The following BATF variants were observed in gnomAD, a reference collection of about 807,000 sequenced individuals.
BATF encodes the protein basic leucine zipper ATF-like transcription factor.
A neutral mutation model predicts 13.7 loss-of-function variants in BATF; 5 were observed. That is an observed-to-expected ratio of 0.36 (90% CI 0.19 to 0.77). BATF has a LOEUF of 0.77. Among genes scored for constraint, BATF ranks in the 30% least tolerant of loss-of-function variants. The pLI, the probability that BATF is intolerant of heterozygous loss-of-function variation, is 0.51. For missense variants in BATF, 124 were observed against 163.0 expected (o/e 0.76, Z 1.30); for synonymous variants, 72 against 67.5 (o/e 1.07, Z -0.33).
At chr14:75,541,595 G>A (rs1377749632) in intron 2 of BATF, among the ~76,000 whole-genome samples, 1 of 152,160 alleles carries the variant, frequency 6.6e-6, no homozygotes, top group Non-Finnish European at 1.5e-5. Context: ...TTGTGTGTGG[G>A]TCACCAAAAC....
At chr14:75,523,642 C>T (rs1286887475) in intron 1 of BATF, among the ~76,000 whole-genome samples, 1 of 152,240 alleles carries the variant, frequency 6.6e-6, no homozygotes, top group Non-Finnish European at 1.5e-5. Flanking sequence ...TCCTCTTTCT[C>T]ATCCGACATG....
In BATF at chr14:75,539,292, G is replaced by C. The variant is rs1004446994; in HGVS notation, c.169-7170G>C. 2.6e-5 allele frequency among the ~76,000 whole-genome samples: 4 copies of C among 152,280 alleles called. No individual in the cohort carries two copies. The East Asian group carries it at 5.8e-4, about 22-fold the overall frequency. On this transcript the variant is annotated intron_variant, in intron 2 of 2. Coordinates refer to ENST00000286639, the MANE Select transcript of BATF (RefSeq NM_006399.5). ...AGGAAGCCTTTGTCCTTATGAGCAG[G>C]CTGTGCCTTTTTGGTAGGAAGGGAA...
intron 2 of BATF, among the ~76,000 whole-genome samples, 186 bp downstream of exon 2, chr14:75,525,374 C>G (rs1371451666): frequency 6.6e-6 from 1 of 151,778 alleles, no homozygotes; most frequent in Non-Finnish European, 1.5e-5. Context: ...TTTAAGAAGG[C>G]TCTGTAGTCC....
At position 75,546,519 on chromosome 14, in the gene BATF, A is replaced by G. The variant is rs1011970393; in HGVS notation, c.226A>G (p.Thr76Ala). 9 of 1,614,204 alleles carry G rather than the reference A, an allele frequency of 5.6e-6. No individual in the cohort carries two copies. The highest frequency in any genetic ancestry group is 1.1e-5 in the South Asian group (1 of 91,088). ...TCTACGCAAGGAGATCAAGCAGCTC[A>G]CAGAGGAACTGAAGTACTTCACGTC... ...AALRKEIKQL[T>A]EELKYFTSVL... The change falls in exon 3 of 3, where the codon ACA becomes GCA. Residue 76 changes from threonine (T) to alanine (A), a missense_variant. Physicochemically the swap from Thr to Ala is moderately conservative, Grantham distance 58. Transcript: ENST00000286639.
chr14:75,535,672 G>A (rs1887806727), intron 2 of BATF, among the ~76,000 whole-genome samples: 1 of 152,098 alleles, frequency 6.6e-6, no homozygotes, highest in East Asian at 1.9e-4. Flanking sequence ...CCCCAAATAG[G>A]AATACTTCGA....
chr14:75,540,763 GTGAT>G (rs1887884656), intron 2 of BATF, among the ~76,000 whole-genome samples: 1 of 152,146 alleles, frequency 6.6e-6, no homozygotes, highest in South Asian at 2.1e-4. Flanking sequence ...ACTTAAAAGA[GTGAT>G]TGGCACACGG....
At chr14:75,533,178 C>T (rs1004507996) in intron 2 of BATF, among the ~76,000 whole-genome samples, 1 of 152,068 alleles carries the variant, frequency 6.6e-6, no homozygotes, top group South Asian at 2.1e-4. Flanking sequence ...CTGTAAAGAA[C>T]GACTGTTTGG....
intron 2 of BATF, among the ~76,000 whole-genome samples, chr14:75,527,882 C>A (rs754122661): frequency 3.3e-5 from 5 of 152,228 alleles, no homozygotes; most frequent in Non-Finnish European, 5.9e-5. Flanking sequence ...GTTGATGCAG[C>A]AAGCCTGCGG....
chr14:75,544,154 T>C (rs961756899), intron 2 of BATF, among the ~76,000 whole-genome samples: 10 of 152,188 alleles, frequency 6.6e-5, no homozygotes, highest in African/African-American at 2.4e-4. Flanking sequence ...ATTTAACTAG[T>C]GCTTTCCAAC....
chr14:75,524,655 A>G (rs1207611762), intron 1 of BATF, among the ~76,000 whole-genome samples: 4 of 152,314 alleles, frequency 2.6e-5, no homozygotes, highest in Admixed American at 2.6e-4. Context: ...AGAGGTTGGC[A>G]TATAGTAGGC....
chr14:75,527,522 T>G (rs1887671386), intron 2 of BATF, among the ~76,000 whole-genome samples: 1 of 152,212 alleles, frequency 6.6e-6, no homozygotes, highest in East Asian at 1.9e-4. Flanking sequence ...TCACTGGTCT[T>G]CATCCAAACC....
intron 2 of BATF, among the ~76,000 whole-genome samples, chr14:75,539,770 T>C (rs1457572718): frequency 1.3e-5 from 2 of 152,142 alleles, no homozygotes; most frequent in Non-Finnish European, 2.9e-5. Context: ...GTGATTCTTC[T>C]TCTCCTTTCA....
intron 2 of BATF, among the ~76,000 whole-genome samples, chr14:75,529,954 CT>C (rs1348913314): frequency 2.0e-5 from 3 of 150,882 alleles, no homozygotes; most frequent in African/African-American, 7.3e-5. Flanking sequence ...GTCCCAGCTA[CT>C]TGAGAGGCTG....
At chr14:75,524,749 G>A (rs778186526) in intron 1 of BATF, among the ~76,000 whole-genome samples, 21 of 151,128 alleles carry the variant, frequency 1.4e-4, no homozygotes, top group Non-Finnish European at 1.2e-4. Flanking sequence ...GGCGAGGGTG[G>A]AGCAGCCCTA....
At chr14:75,544,792 A>ATTTTTTTTT (rs55834315) in intron 2 of BATF, among the ~76,000 whole-genome samples, 3 of 134,206 alleles carry the variant, frequency 2.2e-5, no homozygotes, top group East Asian at 2.1e-4. Context: ...TTGAACTGAA[A>ATTTTTTTTT]TTTTTTTTTT....
chr14:75,523,643 A>G (rs1887609730), intron 1 of BATF, among the ~76,000 whole-genome samples: 1 of 152,182 alleles, frequency 6.6e-6, no homozygotes, highest in Admixed American at 6.5e-5. Context: ...CCTCTTTCTC[A>G]TCCGACATGT....
intron 1 of BATF, 77 bp from the exon 2 acceptor site, chr14:75,525,007 C>A (rs1340772511): frequency 7.9e-7 from 1 of 1,260,648 alleles, no homozygotes; most frequent in Non-Finnish European, 1.1e-6. Flanking sequence ...TGGACGGATA[C>A]CACACACCAC....
intron 2 of BATF, among the ~76,000 whole-genome samples, chr14:75,531,877 G>A (rs1887739838): frequency 6.6e-6 from 1 of 152,136 alleles, no homozygotes; most frequent in Non-Finnish European, 1.5e-5. Flanking sequence ...CATAATGTTT[G>A]TTGGCACAGA....
intron 2 of BATF, 34 bp downstream of exon 2, chr14:75,525,222 C>A (rs957648679): frequency 1.9e-6 from 3 of 1,593,512 alleles, no homozygotes; most frequent in Admixed American, 3.4e-5. Flanking sequence ...TCCTCGTGAG[C>A]TTTAGGCTTT....
Sources: gnomAD v4.1 joint callset for allele counts (sites outside exome capture counted in the v4.1 genomes callset) on GRCh38, gnomAD v4.1.1 for gene constraint, MANE v1.5 for transcripts, NCBI Gene and HGNC (gene_info 2026-07-23, HGNC 2026-07-21) for gene names.